TGFBRAP1: variants seen among roughly 807,000 people sequenced by gnomAD.
TGFBRAP1 encodes transforming growth factor beta receptor associated protein 1.
Under a neutral mutation model 83.2 loss-of-function variants are expected in TGFBRAP1, and 20 were observed. The ratio of observed to expected loss-of-function variants is 0.24; its 90% confidence interval spans 0.17 to 0.35. The LOEUF (loss-of-function observed/expected upper bound fraction) is 0.35, where lower values mean the gene tolerates loss of function less well. TGFBRAP1 is among the 10% of genes least tolerant of loss of function. The pLI, the probability that TGFBRAP1 is intolerant of heterozygous loss-of-function variation, is 1.00. For synonymous variants in TGFBRAP1, 415 were observed against 459.8 expected, an observed-to-expected ratio of 0.90 and a Z score of 1.25; for missense variants, 950 against 1,099.4, an observed-to-expected ratio of 0.86 and a Z score of 1.92.
intron 4 of TGFBRAP1, among the ~76,000 whole-genome samples, chr2:105,286,681 G>A (rs566833374): frequency 5.5e-4 from 84 of 152,286 alleles, no homozygotes; most frequent in African/African-American, 1.9e-3. Flanking sequence ...TCTGTACAGA[G>A]GCTACAGGCC....
chr2:105,285,096 T>C (rs3792047), intron 4 of TGFBRAP1, among the ~76,000 whole-genome samples: 56,750 of 152,126 alleles, frequency 0.37, 11,118 homozygotes, highest in East Asian at 0.72. Flanking sequence ...CGTCTTGCCA[T>C]TGTCTATATG....
the TGFBRAP1 span, among the ~76,000 whole-genome samples, chr2:105,252,353 G>A: frequency 6.6e-6 from 1 of 152,216 alleles, no homozygotes; most frequent in Non-Finnish European, 1.5e-5. Flanking sequence ...TGAAACAGGA[G>A]GCTCTTTTTC....
At chr2:105,285,965 T>C (rs1449522842) in intron 4 of TGFBRAP1, among the ~76,000 whole-genome samples, 1 of 152,180 alleles carries the variant, frequency 6.6e-6, no homozygotes. Flanking sequence ...AAAGCAGAAA[T>C]ACTAGAGGCC....
intron 1 of TGFBRAP1, among the ~76,000 whole-genome samples, chr2:105,319,780 AAT>A (rs1491203938): frequency 1.3e-5 from 2 of 150,056 alleles, no homozygotes; most frequent in African/African-American, 4.9e-5. Flanking sequence ...ATAAGATTTT[AAT>A]ATATATGTTT....
intron 1 of TGFBRAP1, among the ~76,000 whole-genome samples, chr2:105,326,194 A>AC (rs546971860): frequency 9.1e-4 from 139 of 152,288 alleles, no homozygotes; most frequent in African/African-American, 3.2e-3. Flanking sequence ...ATATACACAC[A>AC]CATATATACA....
chr2:105,275,257 A>G lies in TGFBRAP1; in HGVS notation c.1665+303T>C, dbSNP rs78489889. On this transcript the variant is annotated intron_variant, in intron 8 of 11. Coordinates refer to ENST00000393359, the MANE Select transcript of TGFBRAP1 (RefSeq NM_004257.6). Reference sequence around the variant, plus strand: ...AGGGGTCGAGGAGCGGGGTTCACAGACACAAGTTCTTAAGAAGATGCTAAA... The same window carrying G: ...AGGGGTCGAGGAGCGGGGTTCACAGGCACAAGTTCTTAAGAAGATGCTAAA... 6.3e-4 allele frequency among the ~76,000 whole-genome samples: 96 copies of G among 152,280 alleles called. 4 individuals are homozygous for G. The East Asian group carries it at 0.018, about 28-fold the overall frequency.
intron 2 of TGFBRAP1, among the ~76,000 whole-genome samples, chr2:105,301,098 C>A (rs563624616): frequency 3.0e-4 from 46 of 152,032 alleles, no homozygotes; most frequent in Non-Finnish European, 6.0e-4. Flanking sequence ...GTGGCGGGTA[C>A]TATTCCCCAG....
chr2:105,319,078 T>TGA (rs200739288), intron 1 of TGFBRAP1, among the ~76,000 whole-genome samples: 7,293 of 152,138 alleles, frequency 0.048, 206 homozygotes, highest in Middle Eastern at 0.075. Flanking sequence ...TGTGTGTGTG[T>TGA]GAGACAGAGT....
chr2:105,254,406 C>G, the TGFBRAP1 span, among the ~76,000 whole-genome samples: 1 of 152,034 alleles, frequency 6.6e-6, no homozygotes, highest in Non-Finnish European at 1.5e-5. Context: ...CAAACACAGC[C>G]TTTTTGACTT....
chr2:105,293,183 A>G (rs901228911), intron 4 of TGFBRAP1, among the ~76,000 whole-genome samples: 13 of 151,582 alleles, frequency 8.6e-5, no homozygotes, highest in African/African-American at 2.7e-4. Flanking sequence ...GATGAAATGG[A>G]AAAAAAAATC....
intron 1 of TGFBRAP1, among the ~76,000 whole-genome samples, chr2:105,325,759 C>A (rs142020187): frequency 6.6e-6 from 1 of 152,318 alleles, no homozygotes; most frequent in African/African-American, 2.4e-5. Context: ...TATGTGACAG[C>A]AACTGCTTTT....
chr2:105,298,461 T>C (rs1678158224), intron 3 of TGFBRAP1, 50 bp downstream of exon 3: 6 of 1,519,750 alleles, frequency 3.9e-6, no homozygotes, highest in Non-Finnish European at 5.3e-6. Context: ...CGAAGAAATA[T>C]CATAAAAGAG....
chr2:105,282,188 T>C (rs764575490), intron 5 of TGFBRAP1, among the ~76,000 whole-genome samples: 1 of 152,188 alleles, frequency 6.6e-6, no homozygotes, highest in Non-Finnish European at 1.5e-5. Flanking sequence ...AGAATGGGCA[T>C]GCCAGAGAAG....
At chr2:105,328,265 C>G (rs968678145) in intron 1 of TGFBRAP1, among the ~76,000 whole-genome samples, 13 of 152,292 alleles carry the variant, frequency 8.5e-5, no homozygotes, top group Non-Finnish European at 1.3e-4. Flanking sequence ...GCATCACTCC[C>G]ATTTCATAGA....
At chr2:105,322,973 C>T (rs2679874) in intron 1 of TGFBRAP1, among the ~76,000 whole-genome samples, 83,612 of 152,054 alleles carry the variant, frequency 0.55, 23,740 homozygotes, top group East Asian at 0.73. Flanking sequence ...ATCAACCAGT[C>T]AGGATGCTGG....
At chr2:105,255,455 G>T in the TGFBRAP1 span, among the ~76,000 whole-genome samples, 1 of 152,214 alleles carries the variant, frequency 6.6e-6, no homozygotes, top group Middle Eastern at 3.4e-3. Context: ...CTGAGTAGCT[G>T]GGAATACAGG....
At chr2:105,277,549 G>C in intron 7 of TGFBRAP1, 65 bp downstream of exon 7, 1 of 1,534,902 alleles carries the variant, frequency 6.5e-7, no homozygotes, top group Admixed American at 1.7e-5. Flanking sequence ...TTTTTTTTAA[G>C]TAACACTAAG....
chr2:105,273,060 T>G, intron 9 of TGFBRAP1, 46 bp from the exon 10 acceptor site: 1 of 1,593,146 alleles, frequency 6.3e-7, no homozygotes, highest in Non-Finnish European at 8.5e-7. Context: ...TGTTTTCAAG[T>G]GGGAAAGTCA....
At position 105,280,617 on chromosome 2, in the gene TGFBRAP1, G is replaced by C. The variant is rs760912382; in HGVS notation, c.1228C>G (p.Leu410Val). 4 of 1,614,162 alleles carry C rather than the reference G, an allele frequency of 2.5e-6. No individual in the cohort carries two copies. The highest frequency in any genetic ancestry group is 1.1e-5 in the South Asian group (1 of 91,082). The change falls in exon 6 of 12, where the codon CTG (leucine) becomes GTG (valine). Residue 410 changes from leucine (L) to valine (V), a missense_variant. Transcript: ENST00000393359. ...TGGTCCCCCTGGGTCAGCTGGTTCA[G>C]GTCTGCGTACTCATGAAGAGGAGGG... ...SHPPLHEYAD[L>V]NQLTQGDQEK... is the part of the protein sequence containing the mutation.
Sources: gnomAD v4.1 joint callset for allele counts (sites outside exome capture counted in the v4.1 genomes callset) on GRCh38, gnomAD v4.1.1 for gene constraint, MANE v1.5 for transcripts, NCBI Gene and HGNC (gene_info 2026-07-23, HGNC 2026-07-21) for gene names.